The following PEX3 variants were observed in gnomAD, a reference collection of about 807,000 sequenced individuals.
The protein encoded by PEX3 is peroxin-3.
Under a neutral mutation model 55.8 loss-of-function variants are expected in PEX3, and 30 were observed. The ratio of observed to expected loss-of-function variants is 0.54; its 90% confidence interval spans 0.40 to 0.73. PEX3 has a LOEUF of 0.73. Among genes scored for constraint, PEX3 ranks in the 30% least tolerant of loss-of-function variants. The pLI is 0.00. For synonymous variants in PEX3, 135 were observed against 148.4 expected (o/e 0.91, Z 0.66); for missense variants, 351 against 432.8 (o/e 0.81, Z 1.68).
At position 143,487,592 on chromosome 6, in the gene PEX3, CA is replaced by C. The variant is rs1346070431; in HGVS notation, c.1039-1544del. Among the ~76,000 whole-genome samples the C allele has an allele frequency of 2.0e-5, 3 of 151,892 alleles. No homozygotes were observed. Among genetic ancestry groups the C allele is most frequent in the African/African-American group, 7.3e-5 (3 of 41,376 alleles). On this transcript the variant is annotated intron_variant, in intron 11 of 11. Transcript: ENST00000367591. This position sits in a 1 kb window ranked among gnomAD's most constrained non-coding sequence, Gnocchi z 5.3. ...TTATTGTCAAGTAGAATCTAAATTA[CA>C]AAAAAAGATTGTTCTATAATATGGC...
chr6:143,474,668 A>T, intron 8 of PEX3, 118 bp from the exon 9 acceptor site: 2 of 701,076 alleles, frequency 2.9e-6, no homozygotes, highest in Non-Finnish European at 5.1e-6. Flanking sequence ...AACTTTTTTT[A>T]TTGTTGATAG....
At chr6:143,481,978 A>G (rs1283233621) in intron 10 of PEX3, among the ~76,000 whole-genome samples, 1 of 151,874 alleles carries the variant, frequency 6.6e-6, no homozygotes, top group Non-Finnish European at 1.5e-5. Flanking sequence ...TTAAAAAAAT[A>G]TATAAAAAAA....
At chr6:143,472,359 A>G (rs1352093480) in intron 8 of PEX3, 31 bp downstream of exon 8, 1 of 1,501,524 alleles carries the variant, frequency 6.7e-7, no homozygotes, top group African/African-American at 1.4e-5. Context: ...TAACCAAACC[A>G]GTTACTCTAT....
rs143363829 is a variant in PEX3 at position 143,474,901 on chromosome 6, A to G, written c.818+45A>G. The stretch of plus-strand genomic sequence containing the variant: ...CAGGAAAAATATGTGTGTATGTTGA[A>G]TGTACTTGAGACTATTTTTTAGTTT... On this transcript the variant is annotated intron_variant, in intron 9 of 11. Coordinates refer to ENST00000367591, the MANE Select transcript of PEX3 (RefSeq NM_003630.3). The G allele has an allele frequency of 8.7e-4, 860 of 984,728 alleles. 5 individuals carry two copies. The East Asian group carries it at 0.016, about 18-fold the overall frequency. 61.0% of individuals were successfully genotyped at this position (984,728 alleles called of 1,614,324 possible).
rs147362601 is a variant in PEX3 at position 143,451,665 on chromosome 6, C to T, written c.73+550C>T. Reference sequence around the variant, plus strand: ...AATCAATATTTTAGCTCTGTTTCTGCCATTTTAGAATACAAACTATGGCAG... The same window carrying T: ...AATCAATATTTTAGCTCTGTTTCTGTCATTTTAGAATACAAACTATGGCAG... On this transcript the variant is annotated intron_variant, in intron 1 of 11. Transcript: ENST00000367591. This position sits in a 1 kb window ranked among gnomAD's most constrained non-coding sequence, Gnocchi z 4.1. Among the ~76,000 whole-genome samples, 1 of 152,254 alleles carries T rather than the reference C, an allele frequency of 6.6e-6. No homozygotes were observed. The highest frequency in any genetic ancestry group is 2.4e-5 in the African/African-American group (1 of 41,534).
intron 2 of PEX3, among the ~76,000 whole-genome samples, chr6:143,460,202 A>G (rs1779900567): frequency 6.6e-6 from 1 of 152,158 alleles, no homozygotes; most frequent in South Asian, 2.1e-4. Context: ...TACTTACCTC[A>G]TTTTACTTGA....
At chr6:143,480,320 G>A (rs896754708) in intron 10 of PEX3, among the ~76,000 whole-genome samples, 29 of 152,232 alleles carry the variant, frequency 1.9e-4, no homozygotes, top group African/African-American at 6.7e-4. Context: ...TATTTTGCAA[G>A]TAGTGATACA....
rs964058169 is a variant in PEX3 at position 143,473,491 on chromosome 6, C to T, written c.747+1163C>T. On this transcript the variant is annotated intron_variant, in intron 8 of 11. Transcript: ENST00000367591. ...AACAGATGAAGAGAGAAATGATGGA[C>T]CAGATCTTACTGAACTGAATTAAAA... 1.1e-4 allele frequency among the ~76,000 whole-genome samples: 16 copies of T among 152,026 alleles called. 1 individual carries two copies. Among genetic ancestry groups the T allele is most frequent in the Non-Finnish European group, 1.0e-4 (7 of 67,984 alleles).
At chr6:143,469,045 G>A (rs954628138) in intron 4 of PEX3, among the ~76,000 whole-genome samples, 2 of 152,082 alleles carry the variant, frequency 1.3e-5, no homozygotes, top group African/African-American at 2.4e-5. Context: ...TGGTGTATAT[G>A]TGCCACATTT....
At position 143,488,411 on chromosome 6, in the gene PEX3, G is replaced by A. The variant is rs1340311038; in HGVS notation, c.1039-732G>A. Among the ~76,000 whole-genome samples the A allele has an allele frequency of 6.6e-6, 1 of 152,052 alleles. No homozygotes were observed. On this transcript the variant is annotated intron_variant, in intron 11 of 11. Transcript: ENST00000367591. The surrounding 1 kb of genome is among the most constrained non-coding windows in gnomAD (Gnocchi z 4.9). ...TTCAAAATTTCTTTTAAAATTAAGT[G>A]TATGATATAGCGGTATTGCTTCTTT... is the stretch of plus-strand genomic sequence containing the variant.
intron 2 of PEX3, among the ~76,000 whole-genome samples, chr6:143,460,864 CAA>C (rs57329535): frequency 0.055 from 4,147 of 76,076 alleles, 207 homozygotes; most frequent in African/African-American, 0.16. Flanking sequence ...AACTCTGTCT[CAA>C]AAAAAAAAAA....
intron 8 of PEX3, among the ~76,000 whole-genome samples, chr6:143,472,539 T>C (rs891531640): frequency 1.1e-4 from 16 of 152,170 alleles, no homozygotes; most frequent in Non-Finnish European, 2.1e-4. Flanking sequence ...ATTCAGTACA[T>C]TTTTATTATC....
intron 9 of PEX3, among the ~76,000 whole-genome samples, chr6:143,478,420 G>A (rs1230933921): frequency 1.3e-5 from 2 of 152,130 alleles, no homozygotes; most frequent in Non-Finnish European, 2.9e-5. Context: ...CAATAAAGCC[G>A]TTAAAATGCT....
chr6:143,478,590 C>T (rs1207359765), intron 9 of PEX3, among the ~76,000 whole-genome samples: 1 of 151,932 alleles, frequency 6.6e-6, no homozygotes, highest in African/African-American at 2.4e-5. Context: ...TTGTGAGGAA[C>T]TAAGAGAGTA....
Position 143,479,017 on chromosome 6 carries a change from ATT to A in PEX3, c.819-57_819-56del, listed in dbSNP as rs763402836. ...TCAAAGGTAACCACGTTATTACTGA[ATT>A]TGTTTTCTCTTCCATTCAGAGTCTA... is the stretch of plus-strand genomic sequence containing the variant. On this transcript the variant is annotated intron_variant, in intron 9 of 11. Coordinates refer to ENST00000367591, the MANE Select transcript of PEX3 (RefSeq NM_003630.3). This position sits in a 1 kb window ranked among gnomAD's most constrained non-coding sequence, Gnocchi z 4.6. 1.1e-5 allele frequency: 12 copies of A among 1,077,050 alleles called. No homozygotes were observed. Among genetic ancestry groups the A allele is most frequent in the East Asian group, 2.4e-5 (1 of 42,020 alleles). 66.7% of individuals were successfully genotyped at this position (1,077,050 alleles called of 1,614,324 possible). A position where few individuals can be genotyped will look rare whatever the true frequency, so the allele number is the denominator to read the frequency against.
chr6:143,470,714 A>T (rs1364254712), intron 4 of PEX3, among the ~76,000 whole-genome samples: 2 of 152,212 alleles, frequency 1.3e-5, no homozygotes, highest in Non-Finnish European at 2.9e-5. Flanking sequence ...TTCTAAGCTA[A>T]TAGTATATAC....
intron 4 of PEX3, among the ~76,000 whole-genome samples, chr6:143,469,661 G>C (rs544804493): frequency 7.3e-4 from 111 of 152,300 alleles, no homozygotes; most frequent in African/African-American, 2.5e-3. Context: ...CTTTTGCTGT[G>C]CAGAAGCTCT....
At chr6:143,470,879 A>G in intron 4 of PEX3, 82 bp from the exon 5 acceptor site, 1 of 1,212,932 alleles carries the variant, frequency 8.2e-7, no homozygotes, top group Non-Finnish European at 1.2e-6. Context: ...GTCATCTTAC[A>G]AAAAAATAAC....
chr6:143,474,778 T>A lies in PEX3; in HGVS notation c.748-8T>A, dbSNP rs1584012686. On this transcript the variant is annotated splice_region_variant and splice_polypyrimidine_tract_variant and intron_variant, in intron 8 of 11. Transcript: ENST00000367591. ...GAAAACCTTAAGTGTGACATTTTAA[T>A]TCTATAGGCCTGTGGACTTTCTCCT... 1 of 1,492,958 alleles carries A rather than the reference T, an allele frequency of 6.7e-7. No homozygotes were observed. Among genetic ancestry groups the A allele is most frequent in the African/African-American group, 1.4e-5 (1 of 72,608 alleles). The allele number at this position is 1,492,958 out of a possible 1,614,324, so 92.5% of individuals were successfully genotyped here. A position where few individuals can be genotyped will look rare whatever the true frequency, so the allele number is the denominator to read the frequency against.
Sources: gnomAD v4.1 joint callset for allele counts (sites outside exome capture counted in the v4.1 genomes callset) on GRCh38, gnomAD v4.1.1 for gene constraint, Gnocchi (gnomAD v3.1) non-coding constraint, MANE v1.5 for transcripts, NCBI Gene and HGNC (gene_info 2026-07-23, HGNC 2026-07-21) for gene names.